SYT6: variants seen among roughly 807,000 people sequenced by gnomAD.
The protein encoded by SYT6 is synaptotagmin-6.
In SYT6, 24 loss-of-function variants were observed where a neutral mutation model predicts 38.4. The observed-to-expected ratio is 0.62, with a 90% CI of 0.45 to 0.88. SYT6 has a LOEUF of 0.88. Ranked by LOEUF, SYT6 falls within the 40% of genes least tolerant of loss-of-function variation. The probability of loss-of-function intolerance (pLI) is 0.00; values close to 1 mark genes in which losing one functional copy is unlikely to be tolerated. For synonymous variants in SYT6, 265 were observed against 241.9 expected (o/e 1.10, Z -0.89); for missense variants, 611 against 621.0 (o/e 0.98, Z 0.17).
intron 3 of SYT6, among the ~76,000 whole-genome samples, chr1:114,136,689 G>C (rs553822965): frequency 6.6e-6 from 1 of 152,292 alleles, no homozygotes; most frequent in East Asian, 1.9e-4. Flanking sequence ...CCCACCTCCT[G>C]TGTAGGTGTT....
chr1:114,144,810 C>T (rs549224393), intron 1 of SYT6, among the ~76,000 whole-genome samples: 1 of 152,254 alleles, frequency 6.6e-6, no homozygotes, highest in South Asian at 2.1e-4. Context: ...ATCAGCCACT[C>T]TCTCTGGGAA....
chr1:114,105,594 C>T lies in SYT6; in HGVS notation c.1072-1873G>A, dbSNP rs1422935325. ...ACAGAACCACGTGGCCTCCGCAGAG[C>T]CAGCCATCCCACACCAGCCCCTGTG... is the stretch of plus-strand genomic sequence containing the variant. On this transcript the variant is annotated intron_variant, in intron 3 of 7. Coordinates refer to ENST00000610222, the MANE Select transcript of SYT6 (RefSeq NM_001253772.2). Among the ~76,000 whole-genome samples the T allele has an allele frequency of 2.0e-5, 3 of 152,178 alleles. No individual in the cohort carries two copies. In the East Asian group the frequency reaches 5.8e-4, roughly 29 times the overall value.
chr1:114,137,439 C>A, intron 3 of SYT6, 56 bp downstream of exon 3: 1 of 1,558,338 alleles, frequency 6.4e-7, no homozygotes, highest in Non-Finnish European at 8.7e-7. Context: ...GGGACATGTC[C>A]CACCCAACCC....
chr1:114,092,330 CTCTCTCTCTGTGTGTG>C (rs1675359451), intron 7 of SYT6, among the ~76,000 whole-genome samples: 1 of 149,108 alleles, frequency 6.7e-6, no homozygotes, highest in South Asian at 2.1e-4. Context: ...CTCTCTCTCT[CTCTCTCTCTGTGTGTG>C]TGTGTGTGTG....
intron 3 of SYT6, among the ~76,000 whole-genome samples, chr1:114,136,143 T>C (rs147283611): frequency 1.8e-4 from 27 of 152,232 alleles, no homozygotes; most frequent in Non-Finnish European, 3.1e-4. Context: ...GAATGGCGTG[T>C]CCCCCAGACC....
At chr1:114,105,495 C>A (rs1360906360) in intron 3 of SYT6, among the ~76,000 whole-genome samples, 1 of 143,460 alleles carries the variant, frequency 7.0e-6, no homozygotes, top group Admixed American at 7.0e-5. Context: ...AAGGTGAATA[C>A]CCCCAGCTTC....
chr1:114,151,704 T>C (rs1000852733), intron 1 of SYT6, among the ~76,000 whole-genome samples: 9 of 152,098 alleles, frequency 5.9e-5, no homozygotes, highest in Admixed American at 3.9e-4. Flanking sequence ...GATGGATCAT[T>C]GGTGGAAAAG....
intron 3 of SYT6, among the ~76,000 whole-genome samples, chr1:114,111,548 C>T (rs1676677352): frequency 6.6e-6 from 1 of 152,214 alleles, no homozygotes; most frequent in South Asian, 2.1e-4. Flanking sequence ...ATAACCTCTC[C>T]ATCCCTCTGA....
chr1:114,115,511 G>A (rs111700593), intron 3 of SYT6, among the ~76,000 whole-genome samples: 1,936 of 151,918 alleles, frequency 0.013, 43 homozygotes, highest in African/African-American at 0.044. Context: ...CGGCTTCCTG[G>A]ATTCAAGCAA....
At chr1:114,127,548 C>A (rs890457943) in intron 3 of SYT6, among the ~76,000 whole-genome samples, 3 of 152,188 alleles carry the variant, frequency 2.0e-5, no homozygotes, top group African/African-American at 7.2e-5. Context: ...CCCCTCCCTG[C>A]ACCCTCCAAC....
At chr1:114,146,938 A>G (rs1476912518) in intron 1 of SYT6, among the ~76,000 whole-genome samples, 2 of 152,220 alleles carry the variant, frequency 1.3e-5, no homozygotes, top group Non-Finnish European at 2.9e-5. Flanking sequence ...AGTGCCTAAG[A>G]TGTAATAAGC....
At chr1:114,122,312 C>T (rs543901515) in intron 3 of SYT6, among the ~76,000 whole-genome samples, 2 of 152,270 alleles carry the variant, frequency 1.3e-5, no homozygotes, top group South Asian at 2.1e-4. Flanking sequence ...AAGGTCTCCT[C>T]GAAATTCTTT....
chr1:114,103,245 C>T (rs1172927753), intron 4 of SYT6, among the ~76,000 whole-genome samples: 1 of 151,956 alleles, frequency 6.6e-6, no homozygotes, highest in African/African-American at 2.4e-5. Flanking sequence ...ATTTTTAAAT[C>T]CTATATATTT....
chr1:114,124,511 C>T (rs575001025), intron 3 of SYT6, among the ~76,000 whole-genome samples: 1 of 152,166 alleles, frequency 6.6e-6, no homozygotes, highest in East Asian at 1.9e-4. Context: ...GGCAGGTGCC[C>T]ACCAGCAGTC....
intron 4 of SYT6, among the ~76,000 whole-genome samples, chr1:114,102,961 G>A (rs1032968510): frequency 6.6e-6 from 1 of 152,206 alleles, no homozygotes; most frequent in African/African-American, 2.4e-5. Flanking sequence ...GCAGGTCTCT[G>A]TGCAGCTGCC....
chr1:114,125,664 C>T (rs1677681524), intron 3 of SYT6, among the ~76,000 whole-genome samples: 1 of 152,076 alleles, frequency 6.6e-6, no homozygotes, highest in Admixed American at 6.5e-5. Flanking sequence ...CACTAAAACA[C>T]CATAAACATA....
At chr1:114,094,909 T>G (rs1675540232) in intron 6 of SYT6, among the ~76,000 whole-genome samples, 1 of 152,234 alleles carries the variant, frequency 6.6e-6, no homozygotes, top group South Asian at 2.1e-4. Context: ...GCACAATGCA[T>G]CGCGTGGACA....
chr1:114,100,478 C>A (rs1226468627), intron 4 of SYT6, among the ~76,000 whole-genome samples: 1 of 152,226 alleles, frequency 6.6e-6, no homozygotes, highest in Non-Finnish European at 1.5e-5. Flanking sequence ...TTAGGGAGAA[C>A]TGTGACACCT....
At chr1:114,130,482 A>T (rs1234919875) in intron 3 of SYT6, among the ~76,000 whole-genome samples, 9 of 151,768 alleles carry the variant, frequency 5.9e-5, no homozygotes, top group Admixed American at 5.9e-4. Context: ...TTTCTCCTTC[A>T]TCCTGGCTGT....
Sources: gnomAD v4.1 joint callset for allele counts (sites outside exome capture counted in the v4.1 genomes callset) on GRCh38, gnomAD v4.1.1 for gene constraint, MANE v1.5 for transcripts, NCBI Gene and HGNC (gene_info 2026-07-23, HGNC 2026-07-21) for gene names.